ADAMTS3: variants seen among roughly 807,000 people sequenced by gnomAD.
ADAMTS3 encodes ADAM metallopeptidase with thrombospondin type 1 motif 3.
Under a neutral mutation model 129.0 loss-of-function variants are expected in ADAMTS3, and 73 were observed. The observed-to-expected ratio is 0.57, with a 90% CI of 0.47 to 0.69. The LOEUF (loss-of-function observed/expected upper bound fraction) is 0.69, where lower values mean the gene tolerates loss of function less well. Ranked by LOEUF, ADAMTS3 falls within the 30% of genes least tolerant of loss-of-function variation. The probability of loss-of-function intolerance (pLI) is 0.00; values close to 1 mark genes in which losing one functional copy is unlikely to be tolerated. For synonymous variants in ADAMTS3, 477 were observed against 510.8 expected (o/e 0.93, Z 0.89); for missense variants, 1,457 against 1,514.5 (o/e 0.96, Z 0.63).
chr4:72,518,878 T>C (rs1353065338), intron 3 of ADAMTS3, among the ~76,000 whole-genome samples: 1 of 151,994 alleles, frequency 6.6e-6, no homozygotes, highest in Non-Finnish European at 1.5e-5. Flanking sequence ...GATCCTGTCA[T>C]TATGATGTTA....
At chr4:72,466,965 A>G (rs1718938347) in intron 3 of ADAMTS3, among the ~76,000 whole-genome samples, 1 of 152,074 alleles carries the variant, frequency 6.6e-6, no homozygotes, top group South Asian at 2.1e-4. Context: ...TCAAGGGGAT[A>G]CTGAGATAAT....
intron 3 of ADAMTS3, among the ~76,000 whole-genome samples, chr4:72,502,095 C>T (rs1454272224): frequency 6.6e-6 from 1 of 151,950 alleles, no homozygotes; most frequent in Non-Finnish European, 1.5e-5. Context: ...TATGTCTTTG[C>T]CAGGTTTTGG....
chr4:72,489,834 G>A (rs1053687574), intron 3 of ADAMTS3, among the ~76,000 whole-genome samples: 2 of 151,684 alleles, frequency 1.3e-5, no homozygotes, highest in African/African-American at 4.8e-5. Context: ...ATCCACTGAG[G>A]GTCTCGGAAC....
At chr4:72,391,378 T>G (rs920407859) in intron 4 of ADAMTS3, among the ~76,000 whole-genome samples, 2 of 151,610 alleles carry the variant, frequency 1.3e-5, no homozygotes, top group Non-Finnish European at 2.9e-5. Flanking sequence ...AGAGTGTTTT[T>G]GGCAAAAGAA....
chr4:72,286,146 G>C (rs2109765254), intron 21 of ADAMTS3, among the ~76,000 whole-genome samples: 1 of 152,226 alleles, frequency 6.6e-6, no homozygotes, highest in African/African-American at 2.4e-5. Context: ...ATTTCTTCTG[G>C]CTAAAGAAGG....
intron 6 of ADAMTS3, 89 bp downstream of exon 6, chr4:72,322,925 C>A: frequency 2.0e-6 from 2 of 1,021,290 alleles, no homozygotes; most frequent in Non-Finnish European, 1.5e-6. Context: ...TATATCTATG[C>A]CTTAAGTTAG....
intron 3 of ADAMTS3, among the ~76,000 whole-genome samples, chr4:72,512,544 C>A (rs1485849357): frequency 6.6e-6 from 1 of 152,078 alleles, no homozygotes; most frequent in Non-Finnish European, 1.5e-5. Flanking sequence ...TAGCATAGCA[C>A]AACAAGGTGA....
intron 4 of ADAMTS3, among the ~76,000 whole-genome samples, chr4:72,342,868 G>A (rs548780024): frequency 6.6e-6 from 1 of 152,256 alleles, no homozygotes; most frequent in African/African-American, 2.4e-5. Flanking sequence ...AAGTGGCATC[G>A]TTGTCTGGGG....
intron 3 of ADAMTS3, among the ~76,000 whole-genome samples, chr4:72,446,907 T>C (rs923377179): frequency 2.0e-5 from 3 of 151,756 alleles, no homozygotes; most frequent in African/African-American, 7.2e-5. Flanking sequence ...CCTTAACAAG[T>C]CTGCCAACTC....
intron 2 of ADAMTS3, among the ~76,000 whole-genome samples, chr4:72,558,239 C>G (rs1273558792): frequency 6.6e-6 from 1 of 151,820 alleles, no homozygotes; most frequent in Admixed American, 6.5e-5. Context: ...GAAACTGGGA[C>G]AGTCTACTAG....
chr4:72,308,951 T>C (rs72653993), intron 15 of ADAMTS3, among the ~76,000 whole-genome samples: 29,534 of 151,878 alleles, frequency 0.19, 3,422 homozygotes, highest in East Asian at 0.47. Context: ...CAGGATAAAA[T>C]TGTTCACTTT....
chr4:72,395,298 G>A (rs562348847), intron 4 of ADAMTS3, among the ~76,000 whole-genome samples: 83 of 152,194 alleles, frequency 5.5e-4, no homozygotes, highest in African/African-American at 2.0e-3. Flanking sequence ...TTTTAAAAAT[G>A]ATAGACTCCT....
At chr4:72,300,573 T>C (rs548968499) in intron 17 of ADAMTS3, among the ~76,000 whole-genome samples, 1 of 152,280 alleles carries the variant, frequency 6.6e-6, no homozygotes, top group South Asian at 2.1e-4. Context: ...TGTGGATAAT[T>C]AATTTTGACA....
At chr4:72,364,527 A>C (rs1560487578) in intron 4 of ADAMTS3, among the ~76,000 whole-genome samples, 1 of 152,016 alleles carries the variant, frequency 6.6e-6, no homozygotes, top group Non-Finnish European at 1.5e-5. Flanking sequence ...AGGCAGGAGA[A>C]TCACTTGAAC....
In ADAMTS3 at chr4:72,283,341, C is replaced by T. The variant is rs1346342321; in HGVS notation, c.3413G>A (p.Gly1138Glu). 1.2e-6 allele frequency: 2 copies of T among 1,613,812 alleles called. No individual in the cohort carries two copies. Among genetic ancestry groups the T allele is most frequent in the Non-Finnish European group, 8.5e-7 (1 of 1,179,814 alleles). The change falls in exon 22 of 22, where the codon GGA becomes GAA. Residue 1138 changes from glycine to glutamate, a missense_variant. Coordinates refer to ENST00000286657, the MANE Select transcript of ADAMTS3 (RefSeq NM_014243.3). ...GGTGACCAGTCTCACAGTCTTACTT[C>T]CTGCTTGCTGAGCACTCCTCTGGCG... Reference protein sequence around the residue: ...NLRQRSAQQAGSKTVRLVTVP... With the variant: ...NLRQRSAQQAESKTVRLVTVP...
intron 7 of ADAMTS3, 118 bp downstream of exon 7, chr4:72,320,596 C>T (rs1719527205): frequency 6.7e-6 from 7 of 1,041,578 alleles, no homozygotes; most frequent in Non-Finnish European, 8.4e-6. Context: ...GTATGCTTGG[C>T]CGGTGTGTGG....
intron 3 of ADAMTS3, among the ~76,000 whole-genome samples, chr4:72,435,964 C>T (rs989117230): frequency 1.3e-5 from 2 of 152,036 alleles, no homozygotes; most frequent in African/African-American, 4.8e-5. Flanking sequence ...ATGACTAAAA[C>T]ACCAAAAGCA....
chr4:72,303,971 A>G lies in ADAMTS3; in HGVS notation c.2370T>C (p.Asp790=), dbSNP rs1446214717. The change falls in exon 17 of 22, where the codon GAT becomes GAC. Residue 790 remains aspartate (D), a synonymous_variant. Transcript: ENST00000286657. ...LGVEWDYNIE[D]DIESLHTDGP... is the part of the protein sequence containing the mutation. ...CATCGGTGTGAAGACTTTCAATGTCATCTTCAATGTTATAATCCCACTCCA... is the reference window on the plus strand; with the variant it reads ...CATCGGTGTGAAGACTTTCAATGTCGTCTTCAATGTTATAATCCCACTCCA... 13 of 1,613,672 alleles carry G rather than the reference A, an allele frequency of 8.1e-6. No homozygotes were observed. Among genetic ancestry groups the G allele is most frequent in the Non-Finnish European group, 1.1e-5 (13 of 1,179,764 alleles).
At chr4:72,353,773 CA>C (rs771290350) in intron 4 of ADAMTS3, among the ~76,000 whole-genome samples, 1 of 151,954 alleles carries the variant, frequency 6.6e-6, no homozygotes. Context: ...TGAACCTTGA[CA>C]TGTATATGGT....
Sources: allele counts gnomAD v4.1 joint callset (sites outside exome capture counted in the v4.1 genomes callset), GRCh38; gene constraint gnomAD v4.1.1; transcripts MANE v1.5; gene names NCBI Gene and HGNC (gene_info 2026-07-23, HGNC 2026-07-21).